COL13A1: variants seen among roughly 807,000 people sequenced by gnomAD.
COL13A1 encodes the protein collagen alpha-1(XIII) chain.
A neutral mutation model predicts 130.9 loss-of-function variants in COL13A1; 89 were observed. The observed-to-expected ratio is 0.68, with a 90% CI of 0.57 to 0.81. COL13A1 has a LOEUF of 0.81. COL13A1 is among the 30% of genes least tolerant of loss of function. The pLI is 0.00. For missense variants in COL13A1, 879 were observed against 934.6 expected (o/e 0.94, Z 0.78); for synonymous variants, 402 against 341.6 (o/e 1.18, Z -1.95).
chr10:69,930,371 C>T, intron 29 of COL13A1, 29 bp from the exon 30 acceptor site: 1 of 1,587,194 alleles, frequency 6.3e-7, no homozygotes, highest in Non-Finnish European at 8.6e-7. Context: ...ATTAATGTGT[C>T]TAAGAAGCGT....
chr10:69,932,763 T>C (rs1211678933), intron 31 of COL13A1, among the ~76,000 whole-genome samples, 159 bp downstream of exon 31: 1 of 152,174 alleles, frequency 6.6e-6, no homozygotes, highest in Non-Finnish European at 1.5e-5. Flanking sequence ...GCTCCAGTCT[T>C]CCCAAACCAC....
intron 30 of COL13A1, chr10:69,931,326 C>A: frequency 2.4e-6 from 1 of 422,688 alleles, no homozygotes; most frequent in Non-Finnish European, 4.8e-6. Context: ...CTGGGGGCCA[C>A]CAGCCTAGTG....
At chr10:69,936,681 G>A in intron 32 of COL13A1, 75 bp from the exon 33 acceptor site, 1 of 1,572,772 alleles carries the variant, frequency 6.4e-7, no homozygotes, top group Non-Finnish European at 8.7e-7. Context: ...GTTCTTCTGT[G>A]ATCCATTTGT....
chr10:69,938,062 G>T (rs1167018902), intron 34 of COL13A1, among the ~76,000 whole-genome samples: 1 of 152,236 alleles, frequency 6.6e-6, no homozygotes, highest in Non-Finnish European at 1.5e-5. Context: ...TGGAAGTAGT[G>T]GGACAAGAAG....
chr10:69,852,202 GC>G (rs1207906759), intron 2 of COL13A1, among the ~76,000 whole-genome samples: 4 of 152,084 alleles, frequency 2.6e-5, no homozygotes, highest in African/African-American at 9.7e-5. Flanking sequence ...CCAAATTCCA[GC>G]CCCGTCTACT....
chr10:69,808,049 G>GT (rs959143695), intron 1 of COL13A1, among the ~76,000 whole-genome samples: 1 of 152,118 alleles, frequency 6.6e-6, no homozygotes, highest in Non-Finnish European at 1.5e-5. Context: ...TCTAGATTTT[G>GT]TTTTTTTAAT....
chr10:69,941,034 C>T lies in COL13A1; in HGVS notation c.1914+11C>T. On this transcript the variant is annotated intron_variant, in intron 35 of 40. Coordinates refer to ENST00000645393, the MANE Select transcript of COL13A1 (RefSeq NM_001368882.1). The stretch of plus-strand genomic sequence containing the variant: ...AGGCCTGGGCCACCGGTGAGTGTCA[C>T]TTCTCCATCACCCCTCACCCCACTC... 2 of 1,613,922 alleles carry T rather than the reference C, an allele frequency of 1.2e-6. No individual in the cohort carries two copies. Among genetic ancestry groups the T allele is most frequent in the Non-Finnish European group, 1.7e-6 (2 of 1,179,870 alleles).
intron 23 of COL13A1, 50 bp from the exon 24 acceptor site, chr10:69,923,752 C>T (rs544207030): frequency 6.3e-7 from 1 of 1,584,420 alleles, no homozygotes. Flanking sequence ...TCATAAGCAG[C>T]TGTCCAGGTG....
At chr10:69,931,141 A>G (rs139369354) in intron 30 of COL13A1, 282 of 456,050 alleles carry the variant, frequency 6.2e-4, no homozygotes, top group African/African-American at 5.2e-3. Flanking sequence ...CACTAACAGA[A>G]ATCATTGTCA....
Position 69,930,515 on chromosome 10 carries a change from A to AG in COL13A1, c.1651dup (p.Glu551GlyfsTer145). On this transcript the variant is annotated frameshift_variant, in exon 30 of 41. Transcript: ENST00000645393. LOFTEE classifies it high-confidence loss of function. The stretch of plus-strand genomic sequence containing the variant: ...GGGCACCCAGGGAGCCCAGGAGAGA[A>AG]GGGGGAAAAAGGGGAGACAGGACAA... The AG allele has an allele frequency of 6.2e-7, 1 of 1,613,666 alleles. No homozygotes were observed. The highest frequency in any genetic ancestry group is 1.1e-5 in the South Asian group (1 of 91,046).
intron 1 of COL13A1, among the ~76,000 whole-genome samples, chr10:69,816,709 A>G (rs1844616697): frequency 6.6e-6 from 1 of 152,092 alleles, no homozygotes; most frequent in Non-Finnish European, 1.5e-5. Context: ...AAGGGCAGGA[A>G]GTGCCCCGAG....
intron 2 of COL13A1, among the ~76,000 whole-genome samples, chr10:69,850,210 T>G (rs1854354504): frequency 6.6e-6 from 1 of 151,344 alleles, no homozygotes; most frequent in Non-Finnish European, 1.5e-5. Context: ...GTGCATTAAC[T>G]CATTAAATCA....
intron 10 of COL13A1, among the ~76,000 whole-genome samples, chr10:69,890,047 T>C (rs2061015920): frequency 6.6e-6 from 1 of 152,152 alleles, no homozygotes; most frequent in East Asian, 1.9e-4. Context: ...TTCTCTTCCA[T>C]GTCACAGCAT....
chr10:69,957,042 G>A lies in COL13A1; in HGVS notation c.2184G>A (p.Lys728=). 1 of 1,613,568 alleles carries A rather than the reference G, an allele frequency of 6.2e-7. No homozygotes were observed. Among genetic ancestry groups the A allele is most frequent in the South Asian group, 1.1e-5 (1 of 91,078 alleles). The change falls in exon 40 of 41, where the codon AAG becomes AAA. Residue 728 remains lysine, a splice_region_variant and synonymous_variant. Transcript: ENST00000645393. ...DGLPVQGCWN[K] The stretch of plus-strand genomic sequence containing the variant: ...TACCAGTCCAAGGCTGCTGGAACAA[G>A]GTAAGGCTTCCCATTGGTGTGCACT...
At position 69,930,386 on chromosome 10, in the gene COL13A1, G is replaced by A; in HGVS notation, c.1531-14G>A. The A allele has an allele frequency of 6.3e-7, 1 of 1,592,404 alleles. No individual in the cohort carries two copies. Among genetic ancestry groups the A allele is most frequent in the Non-Finnish European group, 8.5e-7 (1 of 1,173,414 alleles). On this transcript the variant is annotated splice_polypyrimidine_tract_variant and intron_variant, in intron 29 of 40. Coordinates refer to ENST00000645393, the MANE Select transcript of COL13A1 (RefSeq NM_001368882.1). ...ATTAATGTGTCTAAGAAGCGTTTTT[G>A]GTATTTTCTAAAGGGACCTCGCGGT...
chr10:69,926,259 G>C (rs576962515), intron 26 of COL13A1, among the ~76,000 whole-genome samples: 1 of 152,198 alleles, frequency 6.6e-6, no homozygotes, highest in Non-Finnish European at 1.5e-5. Context: ...TTCCTGGAAC[G>C]CATCTCCTTT....
chr10:69,948,658 T>A (rs962421772), intron 38 of COL13A1, among the ~76,000 whole-genome samples: 3 of 152,198 alleles, frequency 2.0e-5, no homozygotes, highest in Non-Finnish European at 4.4e-5. Context: ...CATGTTCTAG[T>A]TTTCTTTATT....
intron 14 of COL13A1, among the ~76,000 whole-genome samples, chr10:69,901,506 A>T (rs930588126): frequency 1.3e-5 from 2 of 152,168 alleles, no homozygotes; most frequent in African/African-American, 2.4e-5. Flanking sequence ...CAGGTGTGTC[A>T]TAGGGGCTTG....
At chr10:69,821,566 T>G (rs1846085904) in intron 1 of COL13A1, among the ~76,000 whole-genome samples, 1 of 152,186 alleles carries the variant, frequency 6.6e-6, no homozygotes, top group South Asian at 2.1e-4. Context: ...TAGCCCAGAG[T>G]CTGAGAACTG....
Sources: allele counts gnomAD v4.1 joint callset (sites outside exome capture counted in the v4.1 genomes callset), GRCh38; gene constraint gnomAD v4.1.1; transcripts MANE v1.5; gene names NCBI Gene and HGNC (gene_info 2026-07-23, HGNC 2026-07-21).